Variants in CNTNAP2 observed in about 807,000 individuals in gnomAD.
The protein encoded by CNTNAP2 is contactin-associated protein-like 2.
CNTNAP2 carries 98 observed loss-of-function variants against 155.2 expected under a neutral mutation model. The observed-to-expected ratio is 0.63, with a 90% CI of 0.54 to 0.75. The LOEUF (loss-of-function observed/expected upper bound fraction) is 0.75. Ranked by LOEUF, CNTNAP2 falls within the 30% of genes least tolerant of loss-of-function variation. CNTNAP2 has a pLI of 0.00. For synonymous variants in CNTNAP2, 651 were observed against 631.2 expected (o/e 1.03, Z -0.47); for missense variants, 1,727 against 1,688.1 (o/e 1.02, Z -0.40).
chr7:147,634,397 A>G (rs1795142448), intron 12 of CNTNAP2, among the ~76,000 whole-genome samples: 1 of 152,188 alleles, frequency 6.6e-6, no homozygotes, highest in Non-Finnish European at 1.5e-5. Flanking sequence ...GTGGGAGCTA[A>G]TCTATGAAGA....
At chr7:147,334,242 G>A (rs1795627119) in intron 9 of CNTNAP2, among the ~76,000 whole-genome samples, 1 of 151,982 alleles carries the variant, frequency 6.6e-6, no homozygotes, top group African/African-American at 2.4e-5. Context: ...AACTTTTAAT[G>A]GGCTCTGATT....
At chr7:147,110,327 C>CA (rs1800849771) in intron 5 of CNTNAP2, among the ~76,000 whole-genome samples, 1 of 151,010 alleles carries the variant, frequency 6.6e-6, no homozygotes, top group African/African-American at 2.4e-5. Context: ...TACTGGCATT[C>CA]AAAATTACAG....
At chr7:146,450,935 A>ATATT (rs60956135) in intron 1 of CNTNAP2, among the ~76,000 whole-genome samples, 18,141 of 148,786 alleles carry the variant, frequency 0.12, 3,334 homozygotes, top group African/African-American at 0.4. Context: ...CATAGTAAAA[A>ATATT]TATTTATTTA....
At chr7:147,608,940 G>A (rs913869944) in intron 12 of CNTNAP2, among the ~76,000 whole-genome samples, 3 of 152,144 alleles carry the variant, frequency 2.0e-5, no homozygotes, top group African/African-American at 7.2e-5. Context: ...GGGAGCTTCT[G>A]AGCCAGGAGA....
intron 1 of CNTNAP2, among the ~76,000 whole-genome samples, chr7:146,523,628 T>C (rs1797647183): frequency 6.6e-6 from 1 of 152,148 alleles, no homozygotes. Context: ...TTAAAAATGC[T>C]CATAAAGTAA....
At chr7:147,110,811 T>C (rs1440114449) in intron 5 of CNTNAP2, among the ~76,000 whole-genome samples, 2 of 152,328 alleles carry the variant, frequency 1.3e-5, no homozygotes, top group East Asian at 3.9e-4. Flanking sequence ...GTCTTTGCTA[T>C]TGTGAATAGT....
At chr7:148,098,853 C>A (rs1160902643) in intron 15 of CNTNAP2, among the ~76,000 whole-genome samples, 2 of 152,074 alleles carry the variant, frequency 1.3e-5, no homozygotes, top group Non-Finnish European at 2.9e-5. Context: ...TCTTTTGAAT[C>A]TCTTTTAGCT....
intron 1 of CNTNAP2, among the ~76,000 whole-genome samples, chr7:146,266,879 T>C (rs1291027880): frequency 6.9e-6 from 1 of 145,300 alleles, no homozygotes; most frequent in African/African-American, 2.9e-5. Context: ...AAGGTTCACA[T>C]TGCTGAATTT....
intron 3 of CNTNAP2, among the ~76,000 whole-genome samples, chr7:146,986,957 A>G (rs1798124099): frequency 6.6e-6 from 1 of 152,138 alleles, no homozygotes; most frequent in African/African-American, 2.4e-5. Flanking sequence ...GCAATTAGCA[A>G]TTATTGTATA....
At chr7:147,906,712 G>A (rs1585021776) in intron 14 of CNTNAP2, among the ~76,000 whole-genome samples, 1 of 152,008 alleles carries the variant, frequency 6.6e-6, no homozygotes, top group Non-Finnish European at 1.5e-5. Context: ...TACCTGCCTC[G>A]GCCTCCCAAA....
chr7:146,211,892 T>G (rs1799040644), intron 1 of CNTNAP2, among the ~76,000 whole-genome samples: 2 of 152,124 alleles, frequency 1.3e-5, no homozygotes, highest in African/African-American at 4.8e-5. Flanking sequence ...GTTTATTAAT[T>G]AAGTATATTA....
At chr7:148,007,893 G>T (rs1802007826) in intron 15 of CNTNAP2, among the ~76,000 whole-genome samples, 1 of 152,130 alleles carries the variant, frequency 6.6e-6, no homozygotes, top group Non-Finnish European at 1.5e-5. Flanking sequence ...ATCTGTGAGA[G>T]GCAGAATAAT....
chr7:147,531,165 G>T (rs1260768308), intron 11 of CNTNAP2, among the ~76,000 whole-genome samples: 1 of 152,144 alleles, frequency 6.6e-6, no homozygotes, highest in African/African-American at 2.4e-5. Flanking sequence ...TTCATGGGCT[G>T]GAGTTGAGTG....
intron 12 of CNTNAP2, among the ~76,000 whole-genome samples, chr7:147,594,866 A>G (rs1410700675): frequency 1.3e-5 from 2 of 152,212 alleles, no homozygotes; most frequent in Non-Finnish European, 2.9e-5. Flanking sequence ...ATCACATCTT[A>G]AATAGAAAGG....
At chr7:146,162,648 C>A (rs191002252) in intron 1 of CNTNAP2, among the ~76,000 whole-genome samples, 106 of 152,284 alleles carry the variant, frequency 7.0e-4, no homozygotes, top group Middle Eastern at 3.4e-3. Context: ...CCAGCAATCC[C>A]ATTACTGGGT....
intron 8 of CNTNAP2, among the ~76,000 whole-genome samples, chr7:147,235,782 C>T (rs1014086607): frequency 1.3e-5 from 2 of 152,168 alleles, no homozygotes; most frequent in Non-Finnish European, 1.5e-5. Context: ...CCAAAATCAT[C>T]TTGTATTTTC....
chr7:146,490,630 A>G (rs1797124509), intron 1 of CNTNAP2, among the ~76,000 whole-genome samples: 1 of 152,262 alleles, frequency 6.6e-6, no homozygotes, highest in South Asian at 2.1e-4. Context: ...ACCCAATGGG[A>G]AAATACTAAG....
intron 3 of CNTNAP2, among the ~76,000 whole-genome samples, chr7:146,925,865 A>C (rs1025685483): frequency 6.6e-6 from 1 of 152,128 alleles, no homozygotes; most frequent in Admixed American, 6.6e-5. Flanking sequence ...GCTTCCGAAC[A>C]CACTGACAAT....
intron 3 of CNTNAP2, among the ~76,000 whole-genome samples, chr7:146,941,403 A>G (rs1797053924): frequency 6.6e-6 from 1 of 152,120 alleles, no homozygotes; most frequent in Admixed American, 6.5e-5. Flanking sequence ...TCTACATTTC[A>G]ATTTTGGATG....
Sources: gnomAD v4.1 joint callset for allele counts (sites outside exome capture counted in the v4.1 genomes callset) on GRCh38, gnomAD v4.1.1 for gene constraint, MANE v1.5 for transcripts, NCBI Gene and HGNC (gene_info 2026-07-23, HGNC 2026-07-21) for gene names.